Variants in MAP4 observed in about 807,000 individuals in gnomAD.
MAP4 encodes microtubule associated protein 4.
A neutral mutation model predicts 170.2 loss-of-function variants in MAP4; 76 were observed. That is an observed-to-expected ratio of 0.45 (90% confidence interval 0.37 to 0.54). MAP4 has a LOEUF of 0.54. Ranked by LOEUF, MAP4 falls within the 20% of genes least tolerant of loss-of-function variation. The pLI, the probability that MAP4 is intolerant of heterozygous loss-of-function variation, is 0.00. For synonymous variants in MAP4, 909 were observed against 994.5 expected (o/e 0.91, Z 1.62); for missense variants, 2,506 against 2,748.0 (o/e 0.91, Z 1.97).
At chr3:47,924,759 T>C (rs1281127072) in intron 4 of MAP4, among the ~76,000 whole-genome samples, 1 of 152,112 alleles carries the variant, frequency 6.6e-6, no homozygotes, top group Non-Finnish European at 1.5e-5. Context: ...CCTCTCTATA[T>C]CAGCTGGCTT....
intron 2 of MAP4, among the ~76,000 whole-genome samples, chr3:47,993,387 T>C (rs1354029979): frequency 1.3e-5 from 2 of 152,190 alleles, no homozygotes; most frequent in African/African-American, 4.8e-5. Flanking sequence ...AAGCCCACCG[T>C]GGCAGACCAC....
At chr3:47,853,434 A>G in intron 19 of MAP4, 82 bp from the exon 20 acceptor site, 1 of 987,028 alleles carries the variant, frequency 1.0e-6, no homozygotes, top group Non-Finnish European at 1.5e-6. Context: ...GGTTTCACAC[A>G]CAGCCCCCAC....
Position 47,952,148 on chromosome 3 carries a change from G to A in MAP4, c.293-23798C>T, listed in dbSNP as rs1447449842. On this transcript the variant is annotated intron_variant, in intron 3 of 20. Coordinates refer to ENST00000683076, the MANE Select transcript of MAP4 (RefSeq NM_001385682.1). ...CGTCTGAGAAGTGAGGAGCCCCTCC[G>A]CCCGGCAGCCACCCCGTCTGGGAAG... Among the ~76,000 whole-genome samples the A allele has an allele frequency of 2.7e-5, 4 of 149,704 alleles. No homozygotes were observed. In the East Asian group the frequency reaches 8.0e-4, roughly 30 times the overall value.
chr3:47,906,258 T>C (rs2100032957), intron 9 of MAP4, among the ~76,000 whole-genome samples: 1 of 151,936 alleles, frequency 6.6e-6, no homozygotes, highest in African/African-American at 2.4e-5. Context: ...AAACCAGAGA[T>C]TCTTACTCCG....
rs552691135 is a variant in MAP4, at chr3:47,929,197, A to C, written c.293-847T>G. Among the ~76,000 whole-genome samples the C allele has an allele frequency of 6.6e-5, 10 of 152,256 alleles. No homozygotes were observed. The East Asian group carries it at 1.2e-3, about 18-fold the overall frequency. On this transcript the variant is annotated intron_variant, in intron 3 of 20. Transcript: ENST00000683076. ...TGGTGAAACCCTGTCTCTAGCAAAA[A>C]TACAAAAATTAGCTGGGCATGGTGA...
rs993866306 is a variant in MAP4 at position 48,037,606 on chromosome 3, G to A, written c.-19-38727C>T. 4.2e-4 allele frequency among the ~76,000 whole-genome samples: 64 copies of A among 152,094 alleles called. 1 individual carries two copies. The highest frequency in any genetic ancestry group is 3.5e-3 in the Admixed American group (54 of 15,276). On this transcript the variant is annotated intron_variant, in intron 1 of 18. Transcript: ENST00000360240. ...GACAGGGCTTCTCCATGTTGCCCAG[G>A]CTGGTCTCAAACTCCTGGGCCCAAG... is the stretch of plus-strand genomic sequence containing the variant.
chr3:47,912,519 T>C, intron 8 of MAP4, 98 bp from the exon 9 acceptor site: 1 of 1,088,196 alleles, frequency 9.2e-7, no homozygotes, highest in Non-Finnish European at 1.3e-6. Flanking sequence ...ATGACTAATT[T>C]AAGGAGGCTA....
chr3:48,076,501 T>TAAA (rs78266678), intron 1 of MAP4, among the ~76,000 whole-genome samples: 15 of 122,014 alleles, frequency 1.2e-4, no homozygotes, highest in South Asian at 5.4e-4. Flanking sequence ...GACTACATCT[T>TAAA]AAAAAAAAAA....
chr3:47,956,727 T>C (rs201578222), intron 3 of MAP4, among the ~76,000 whole-genome samples: 8 of 152,304 alleles, frequency 5.3e-5, no homozygotes, highest in East Asian at 3.9e-4. Flanking sequence ...AATAAGCAAG[T>C]TGACAAAATG....
chr3:47,910,012 G>A lies in MAP4; in HGVS notation c.4409C>T (p.Pro1470Leu). 1 of 1,614,020 alleles carries A rather than the reference G, an allele frequency of 6.2e-7. No homozygotes were observed. Among genetic ancestry groups the A allele is most frequent in the South Asian group, 1.1e-5 (1 of 91,080 alleles). The change falls in exon 9 of 21, where the codon CCA (proline) becomes CTA (leucine). Residue 1470 changes from proline (P) to leucine (L), a missense_variant. By Grantham distance (98) the Pro-to-Leu change is moderately conservative (BLOSUM62 -3). Around this residue, in one of 3 missense-constraint regions of MAP4, gnomAD observed 2,008 missense variants for 2,206.0 expected, o/e 0.91. Transcript: ENST00000683076. ...TLAKNGQEIA[P>L]AQISKSLMVD... is the part of the protein sequence containing the mutation. ...CATTAATGATTTGGAAATCTGGGCT[G>A]GGGCTATCTCTTGCCCATTTTTTGC...
rs1174659914 is a variant in MAP4 at position 48,079,677 on chromosome 3, G to A, written c.-20+9096C>T. On this transcript the variant is annotated intron_variant, in intron 1 of 18. Coordinates refer to the MAP4 transcript ENST00000360240. Reference sequence around the variant, plus strand: ...CTTAAAAAGAAAAAAAAAGCCGGGTGCGGTGGCTCACACCTGTAATCCCAG... The same window carrying A: ...CTTAAAAAGAAAAAAAAAGCCGGGTACGGTGGCTCACACCTGTAATCCCAG... Among the ~76,000 whole-genome samples, 8 of 151,794 alleles carry A rather than the reference G, an allele frequency of 5.3e-5. 1 individual carries two copies. Among genetic ancestry groups the A allele is most frequent in the Admixed American group, 5.3e-4 (8 of 15,202 alleles).
intron 3 of MAP4, among the ~76,000 whole-genome samples, chr3:47,950,663 T>C (rs753522421): frequency 7.2e-5 from 11 of 152,098 alleles, no homozygotes; most frequent in Non-Finnish European, 1.6e-4. Context: ...GAATTTAAGG[T>C]CTGGCGCTTG....
chr3:47,871,056 G>C lies in MAP4; in HGVS notation c.6051C>G (p.Thr2017=). The C allele has an allele frequency of 6.2e-7, 1 of 1,612,168 alleles. No homozygotes were observed. The highest frequency in any genetic ancestry group is 1.1e-5 in the South Asian group (1 of 90,896). ...KSTSTSSMKK[T]TTLSGTAPAA... is the part of the protein sequence containing the mutation. ...CGGGGGCTGTCCCACTGAGAGTGGTGGTTTTCTTCATGGAACTGGTGGAGG... is the reference window on the plus strand; with the variant it reads ...CGGGGGCTGTCCCACTGAGAGTGGTCGTTTTCTTCATGGAACTGGTGGAGG... Residue 2017 remains threonine (T), a synonymous_variant, in exon 15 of 21, where the codon ACC becomes ACG. Transcript: ENST00000683076.
At chr3:48,066,643 G>A (rs975550852) in intron 1 of MAP4, among the ~76,000 whole-genome samples, 33 of 151,836 alleles carry the variant, frequency 2.2e-4, no homozygotes, top group African/African-American at 6.8e-4. Context: ...ACAGGCGTGC[G>A]CCAAGTATAT....
At chr3:48,054,203 A>C (rs1369636505) in intron 1 of MAP4, among the ~76,000 whole-genome samples, 1 of 151,860 alleles carries the variant, frequency 6.6e-6, no homozygotes, top group Non-Finnish European at 1.5e-5. Context: ...GAGGCTGAGG[A>C]AGGAGAATCA....
intron 9 of MAP4, among the ~76,000 whole-genome samples, chr3:47,905,295 C>T (rs890170554): frequency 7.2e-5 from 11 of 151,998 alleles, no homozygotes; most frequent in African/African-American, 2.7e-4. Context: ...AATAGGACAA[C>T]TCTGAAAAAG....
intron 1 of MAP4, among the ~76,000 whole-genome samples, chr3:48,071,587 T>C (rs1398650480): frequency 6.6e-6 from 1 of 152,002 alleles, no homozygotes; most frequent in East Asian, 1.9e-4. Context: ...AACACAGAAT[T>C]AACAATGAAC....
At chr3:48,054,325 C>CA (rs1192271998) in intron 1 of MAP4, among the ~76,000 whole-genome samples, 2 of 149,636 alleles carry the variant, frequency 1.3e-5, no homozygotes, top group Non-Finnish European at 3.0e-5. Context: ...AAAACAAAAA[C>CA]AAAAAATCAG....
chr3:47,973,818 A>G (rs2100080270), intron 3 of MAP4: 1 of 985,232 alleles, frequency 1.0e-6, no homozygotes, highest in African/African-American at 1.7e-5. Flanking sequence ...CTTAATAAAT[A>G]ACTGTACACC....
Sources: gnomAD v4.1 joint callset for allele counts (sites outside exome capture counted in the v4.1 genomes callset) on GRCh38, gnomAD v4.1.1 for gene constraint, gnomAD v4.1.1 regional missense constraint, MANE v1.5 for transcripts, NCBI Gene and HGNC (gene_info 2026-07-23, HGNC 2026-07-21) for gene names.